Variants in PUM2 observed in about 807,000 individuals in gnomAD.
The protein encoded by PUM2 is pumilio RNA binding family member 2.
PUM2 carries 57 observed loss-of-function variants against 124.5 expected under a neutral mutation model. The ratio of observed to expected loss-of-function variants is 0.46; its 90% CI spans 0.37 to 0.57. PUM2 has a LOEUF of 0.57. Ranked by LOEUF, PUM2 falls within the 20% of genes least tolerant of loss-of-function variation. The pLI, the probability that PUM2 is intolerant of heterozygous loss-of-function variation, is 0.00. For missense variants in PUM2, 1,065 were observed against 1,290.6 expected, an observed-to-expected ratio of 0.83 and a Z score of 2.68; for synonymous variants, 460 against 446.1, an observed-to-expected ratio of 1.03 and a Z score of -0.39.
rs561880450 is a variant in PUM2 at position 20,311,733 on chromosome 2, C to G, written c.349-70G>C. The G allele has an allele frequency of 4.3e-5, 60 of 1,397,342 alleles. 1 individual carries two copies. In the South Asian group the frequency reaches 7.6e-4, roughly 18 times the overall value. 86.6% of individuals were successfully genotyped at this position (1,397,342 alleles called of 1,614,324 possible). A position where few individuals can be genotyped will look rare whatever the true frequency, so the allele number is the denominator to read the frequency against. On this transcript the variant is annotated intron_variant, in intron 4 of 20. Coordinates refer to ENST00000361078, the MANE Select transcript of PUM2 (RefSeq NM_015317.5). ...CAAAAAAAAGGCACCATAAGGTGACCTAACACTACACTACAGTGCATGTAA... is the reference window on the plus strand; with the variant it reads ...CAAAAAAAAGGCACCATAAGGTGACGTAACACTACACTACAGTGCATGTAA...
intron 3 of PUM2, among the ~76,000 whole-genome samples, chr2:20,315,081 T>C (rs1273856684): frequency 8.3e-6 from 1 of 120,184 alleles, no homozygotes; most frequent in Admixed American, 8.9e-5. Flanking sequence ...TTTTTTTTGG[T>C]GGGAAGGTGC....
chr2:20,348,192 GA>G (rs906254571), intron 1 of PUM2, among the ~76,000 whole-genome samples: 71 of 150,106 alleles, frequency 4.7e-4, no homozygotes, highest in Admixed American at 1.6e-3. Context: ...TAATAATAAA[GA>G]AAAAAAGCAA....
chr2:20,327,978 GC>G (rs1408426207), intron 1 of PUM2, among the ~76,000 whole-genome samples: 5 of 152,174 alleles, frequency 3.3e-5, no homozygotes, highest in Admixed American at 2.6e-4. Context: ...AAAGAATTGA[GC>G]AGAAATTTCT....
chr2:20,256,153 C>T lies in PUM2; in HGVS notation c.2502G>A (p.Glu834=). 1.3e-6 allele frequency: 2 copies of T among 1,592,868 alleles called. No individual in the cohort carries two copies. Among genetic ancestry groups the T allele is most frequent in the Non-Finnish European group, 8.5e-7 (1 of 1,173,056 alleles). The change falls in exon 17 of 21, where the codon GAG becomes GAA. Residue 834 remains glutamate, a synonymous_variant. Transcript: ENST00000361078. ...SSDQQSEMVK[E]LDGHVLKCVK... is the part of the protein sequence containing the mutation. ...CACATTTGAGCACATGACCATCCAG[C>T]TCCTTTACCATTTCACTCTGCAAAA... is the stretch of plus-strand genomic sequence containing the variant.
At chr2:20,341,001 GTTTA>G (rs1443743455) in intron 1 of PUM2, among the ~76,000 whole-genome samples, 1 of 152,126 alleles carries the variant, frequency 6.6e-6, no homozygotes, top group Non-Finnish European at 1.5e-5. Flanking sequence ...TGAACTTTTT[GTTTA>G]TTTGTTTAAA....
rs370826867 is a variant in PUM2, at chr2:20,271,990, C to A, written c.1957+6593G>T. Among the ~76,000 whole-genome samples, 45 of 152,244 alleles carry A rather than the reference C, an allele frequency of 3.0e-4. No homozygotes were observed. In the South Asian group the frequency reaches 9.1e-3, roughly 31 times the overall value. On this transcript the variant is annotated intron_variant, in intron 13 of 20. Transcript: ENST00000361078. ...CCTGACCAACATGGTGAAAACCCGT[C>A]TCTACTAAAAATACAGAAATTAGCT...
At chr2:20,266,476 A>G (rs1192287702) in intron 13 of PUM2, among the ~76,000 whole-genome samples, 12 of 150,122 alleles carry the variant, frequency 8.0e-5, no homozygotes. Flanking sequence ...AACAACAACA[A>G]CAACCCCCCC....
At position 20,323,308 on chromosome 2, in the gene PUM2, C is replaced by T. The variant is rs892097053; in HGVS notation, c.51+4002G>A. On this transcript the variant is annotated intron_variant, in intron 2 of 20. Transcript: ENST00000361078. ...CTAAAAATACAAAAAATTAGCCAGG[C>T]GTAGTGGCACACGCCTGCGGTCCCA... Among the ~76,000 whole-genome samples the T allele has an allele frequency of 1.1e-4, 17 of 152,056 alleles. 1 individual carries two copies. Among genetic ancestry groups the T allele is most frequent in the East Asian group, 3.9e-4 (2 of 5,154 alleles).
In PUM2 at chr2:20,263,367, C is replaced by G. The variant is rs1281830438; in HGVS notation, c.2051G>C (p.Ser684Thr). ...RSASSTSSLF[S>T]SSSQLFPPSR... ...AGGAGGAAAGAGCTGGCTGCTGGAG[C>G]TAAATAGACTGGAAGTGCTTGAAGC... The change falls in exon 14 of 21, where the codon AGC (serine) becomes ACC (threonine). Residue 684 changes from serine to threonine, a missense_variant. Transcript: ENST00000361078. The G allele has an allele frequency of 6.2e-7, 1 of 1,614,188 alleles. No homozygotes were observed. The highest frequency in any genetic ancestry group is 1.7e-5 in the Admixed American group (1 of 60,024).
rs1205341144 is a variant in PUM2, at chr2:20,278,801, C to T, written c.1739G>A (p.Ser580Asn). 6.2e-7 allele frequency: 1 copy of T among 1,612,498 alleles called. No individual in the cohort carries two copies. Among genetic ancestry groups the T allele is most frequent in the Non-Finnish European group, 8.5e-7 (1 of 1,179,036 alleles). Residue 580 changes from serine (S) to asparagine (N), a missense_variant, in exon 13 of 21, where the codon AGT (serine) becomes AAT (asparagine). By Grantham distance (46) the Ser-to-Asn change is conservative (BLOSUM62 1). Coordinates refer to ENST00000361078, the MANE Select transcript of PUM2 (RefSeq NM_015317.5). ...FGSSVGSSASSSATRRESLST... is the reference protein window; with the variant it reads ...FGSSVGSSASNSATRRESLST... The stretch of plus-strand genomic sequence containing the variant: ...TAGAGACTCTCTCCTTGTGGCACTA[C>T]TACTTGCAGAACTGCCAACTGAAGA...
intron 5 of PUM2, among the ~76,000 whole-genome samples, chr2:20,309,368 C>T (rs190117078): frequency 2.5e-4 from 37 of 149,798 alleles, no homozygotes; most frequent in African/African-American, 7.8e-4. Context: ...AGAAAGAAAT[C>T]GAAATGTATG....
Position 20,255,417 on chromosome 2 carries a change from T to A in PUM2, c.2623-76A>T, listed in dbSNP as rs949588359. ...AGTTCTATGAAGCAGACTGGTTTGT[T>A]TTTTTTTTTTTTGACAACACCTAAA... On this transcript the variant is annotated intron_variant, in intron 17 of 20. Coordinates refer to ENST00000361078, the MANE Select transcript of PUM2 (RefSeq NM_015317.5). The A allele has an allele frequency of 6.7e-6, 6 of 896,332 alleles. No individual in the cohort carries two copies. In the African/African-American group the frequency reaches 1.7e-4, roughly 26 times the overall value. 55.5% of individuals were successfully genotyped at this position (896,332 alleles called of 1,614,324 possible).
chr2:20,296,656 C>G (rs897317738), intron 8 of PUM2, among the ~76,000 whole-genome samples: 5 of 141,454 alleles, frequency 3.5e-5, no homozygotes, highest in Non-Finnish European at 3.0e-5. Flanking sequence ...AGCCCATTAG[C>G]AGACTCATTC....
intron 7 of PUM2, among the ~76,000 whole-genome samples, chr2:20,305,319 T>C (rs1263790584): frequency 1.3e-5 from 2 of 151,822 alleles, no homozygotes. Context: ...TCCCCGTCTC[T>C]ACAAAAAATT....
At chr2:20,351,364 T>A (rs1233717838), upstream of PUM2, among the ~76,000 whole-genome samples, 1 of 152,200 alleles carries the variant, frequency 6.6e-6, no homozygotes, top group Non-Finnish European at 1.5e-5. Context: ...GAGATGCATC[T>A]GGGGGTGGAA....
chr2:20,291,928 GC>G (rs1215103576), intron 9 of PUM2, among the ~76,000 whole-genome samples: 1 of 151,906 alleles, frequency 6.6e-6, no homozygotes, highest in Non-Finnish European at 1.5e-5. Context: ...AAATTATGAA[GC>G]AATCCAATGA....
At position 20,249,189 on chromosome 2, in the gene PUM2, C is replaced by A. The variant is rs1387321446; in HGVS notation, c.*2396G>T. On this transcript the variant is annotated 3_prime_UTR_variant, in exon 21 of 21. Coordinates refer to ENST00000361078, the MANE Select transcript of PUM2 (RefSeq NM_015317.5). Reference sequence around the variant, plus strand: ...TTTTCTAAAATTGCAGAGATAATGCCTGTGCCAACAGAGGGCAAGGATGAA... The same window carrying A: ...TTTTCTAAAATTGCAGAGATAATGCATGTGCCAACAGAGGGCAAGGATGAA... The A allele has an allele frequency of 2.6e-5, 4 of 152,184 alleles. No homozygotes were observed. The highest frequency in any genetic ancestry group is 2.1e-4 in the South Asian group (1 of 4,822). 9.4% of individuals were successfully genotyped at this position (152,184 alleles called of 1,614,324 possible).
chr2:20,349,133 G>A (rs932948336), intron 1 of PUM2, among the ~76,000 whole-genome samples: 10 of 152,174 alleles, frequency 6.6e-5, no homozygotes, highest in African/African-American at 2.4e-4. Flanking sequence ...AAACACCTAA[G>A]AGAACTTTGG....
intron 18 of PUM2, 97 bp from the exon 19 acceptor site, chr2:20,255,081 G>T (rs1353789752): frequency 6.7e-7 from 1 of 1,486,266 alleles, no homozygotes; most frequent in Admixed American, 1.9e-5. Flanking sequence ...AATCCAGTAG[G>T]ATAGTTAGGA....
Sources: gnomAD v4.1 joint callset for allele counts (sites outside exome capture counted in the v4.1 genomes callset) on GRCh38, gnomAD v4.1.1 for gene constraint, MANE v1.5 for transcripts, NCBI Gene and HGNC (gene_info 2026-07-23, HGNC 2026-07-21) for gene names.